Variants in RIC3 observed in about 807,000 individuals in gnomAD.
RIC3 encodes the protein RIC3 acetylcholine receptor chaperone.
In RIC3, 28 loss-of-function variants were observed where a neutral mutation model predicts 27.3. That is an observed-to-expected ratio of 1.02 (90% CI 0.76 to 1.41). The LOEUF (loss-of-function observed/expected upper bound fraction) is 1.41. RIC3 is among the 40% of genes most tolerant of loss of function. RIC3 has a pLI of 0.00. For missense variants in RIC3, 501 were observed against 444.7 expected (o/e 1.13, Z -1.14); for synonymous variants, 184 against 160.4 (o/e 1.15, Z -1.11).
chr11:8,132,303 A>G (rs1237542487), intron 4 of RIC3, among the ~76,000 whole-genome samples: 2 of 152,110 alleles, frequency 1.3e-5, no homozygotes, highest in Non-Finnish European at 2.9e-5. Context: ...ATAATCTTCT[A>G]GCATGTAGTC....
chr11:8,145,107 C>A (rs1290160135), intron 1 of RIC3, among the ~76,000 whole-genome samples: 3 of 144,432 alleles, frequency 2.1e-5, no homozygotes, highest in Non-Finnish European at 4.5e-5. Flanking sequence ...GTGCAGCGCA[C>A]CAGCATGGCA....
intron 5 of RIC3, among the ~76,000 whole-genome samples, chr11:8,116,496 G>A (rs1420138493): frequency 1.3e-5 from 2 of 152,184 alleles, no homozygotes; most frequent in African/African-American, 2.4e-5. Context: ...TATGTAATGG[G>A]AGAAAATATT....
intron 2 of RIC3, 192 bp downstream of exon 2, chr11:8,139,775 T>G: frequency 1.7e-6 from 1 of 580,276 alleles, no homozygotes; most frequent in East Asian, 2.9e-5. Flanking sequence ...CACTTAAACA[T>G]TGAGTAAACA....
At chr11:8,124,083 G>T (rs1378984879) in intron 5 of RIC3, among the ~76,000 whole-genome samples, 1 of 147,974 alleles carries the variant, frequency 6.8e-6, no homozygotes, top group Non-Finnish European at 1.5e-5. Flanking sequence ...AAGAAAGAAA[G>T]AAAGAAAAAG....
At position 8,140,073 on chromosome 11, in the gene RIC3, G is replaced by A. The variant is rs745590199; in HGVS notation, c.245C>T (p.Ser82Leu). The change falls in exon 2 of 6, where the codon TCA (serine) becomes TTA (leucine). Residue 82 changes from serine to leucine, a missense_variant. Ser to Leu is a moderately radical substitution (Grantham distance 145, BLOSUM62 -2). Transcript: ENST00000309737. ...LAEAFAKAKG[S>L]GGGAGGGGSG... ...ACCTCCTCCTCCAGCACCTCCACCT[G>A]ATCCTTTGGCCTTTGCAAATGCCTC... 23 of 1,613,890 alleles carry A rather than the reference G, an allele frequency of 1.4e-5. No homozygotes were observed. The Admixed American group carries it at 3.7e-4, about 26-fold the overall frequency.
At chr11:8,146,677 C>T (rs1358499568) in intron 1 of RIC3, among the ~76,000 whole-genome samples, 2 of 142,992 alleles carry the variant, frequency 1.4e-5, no homozygotes, top group Admixed American at 7.0e-5. Flanking sequence ...CATGAGACTT[C>T]AATCAAATAC....
At chr11:8,093,297 G>A in the RIC3 span, among the ~76,000 whole-genome samples, 1 of 152,164 alleles carries the variant, frequency 6.6e-6, no homozygotes. Flanking sequence ...CCTGTGGCAA[G>A]AGGGAGTGCA....
the RIC3 span, among the ~76,000 whole-genome samples, chr11:8,099,059 A>T: frequency 6.6e-6 from 1 of 151,960 alleles, no homozygotes; most frequent in East Asian, 1.9e-4. Flanking sequence ...CTGACTTCAG[A>T]GCTCACACCA....
At chr11:8,148,371 T>C (rs1949923111) in intron 1 of RIC3, among the ~76,000 whole-genome samples, 1 of 152,178 alleles carries the variant, frequency 6.6e-6, no homozygotes, top group Non-Finnish European at 1.5e-5. Context: ...CTTTGGCTAT[T>C]ATGCACCTTC....
intron 4 of RIC3, among the ~76,000 whole-genome samples, chr11:8,129,783 C>T (rs1418351914): frequency 6.6e-6 from 1 of 152,168 alleles, no homozygotes; most frequent in Admixed American, 6.5e-5. Flanking sequence ...TCTGATATGC[C>T]TCAAAGATTT....
intron 5 of RIC3, among the ~76,000 whole-genome samples, chr11:8,117,311 T>G (rs866917162): frequency 2.0e-5 from 3 of 152,210 alleles, no homozygotes; most frequent in Admixed American, 6.5e-5. Flanking sequence ...GCAATCCACC[T>G]GCCTCGGCCT....
In RIC3 at chr11:8,110,874, C is replaced by T. The variant is rs116932252; in HGVS notation, c.934G>A (p.Asp312Asn). 6.2e-3 allele frequency: 10,004 copies of T among 1,614,204 alleles called. 58 individuals carry two copies. The highest frequency in any genetic ancestry group is 8.0e-3 in the Non-Finnish European group (9,441 of 1,180,038). ...TCSCCFHEDE[D>N]PAVLAENAGF... ...GCATTCTCTGCCAAGACAGCAGGAT[C>T]CTCGTCTTCATGAAAACAGCAGGAA... Residue 312 changes from aspartate (D) to asparagine (N), a missense_variant, in exon 6 of 6, where the codon GAT becomes AAT. By Grantham distance (23) the Asp-to-Asn change is conservative. Transcript: ENST00000309737.
chr11:8,118,199 G>C (rs1455217369), intron 5 of RIC3, among the ~76,000 whole-genome samples: 1 of 148,282 alleles, frequency 6.7e-6, no homozygotes, highest in South Asian at 2.2e-4. Flanking sequence ...CTCAAGCCTG[G>C]GCATGACAGA....
At chr11:8,137,595 C>T (rs1948575393) in intron 3 of RIC3, 124 bp from the exon 4 acceptor site, 1 of 580,864 alleles carries the variant, frequency 1.7e-6, no homozygotes, top group Admixed American at 3.2e-5. Context: ...TTGAAGAACA[C>T]CGCAGTTTTA....
chr11:8,148,339 T>C (rs535573530), intron 1 of RIC3, among the ~76,000 whole-genome samples: 7 of 152,328 alleles, frequency 4.6e-5, no homozygotes, highest in African/African-American at 7.2e-5. Flanking sequence ...AGGATCTTAG[T>C]AAATTAAATG....
intron 1 of RIC3, among the ~76,000 whole-genome samples, chr11:8,142,088 T>C (rs1361752499): frequency 6.8e-6 from 1 of 147,826 alleles, no homozygotes; most frequent in Non-Finnish European, 1.5e-5. Context: ...AGATCCAAAA[T>C]TGACACCCTA....
the RIC3 span, chr11:8,097,669 G>C: frequency 6.5e-7 from 1 of 1,544,066 alleles, no homozygotes; most frequent in Non-Finnish European, 8.9e-7. Flanking sequence ...ACTGTGTGCA[G>C]ACCAGAGGCT....
At chr11:8,094,217 C>T in the RIC3 span, 2 of 1,584,236 alleles carry the variant, frequency 1.3e-6, no homozygotes, top group South Asian at 2.3e-5. Context: ...ACAGCCCTCC[C>T]CAGCAGGCCT....
chr11:8,141,182 T>A (rs1244776911), intron 1 of RIC3, among the ~76,000 whole-genome samples: 1 of 150,324 alleles, frequency 6.7e-6, no homozygotes, highest in South Asian at 2.1e-4. Flanking sequence ...CACATAACAA[T>A]ACTAACTTTA....
Sources: gnomAD v4.1 joint callset for allele counts (sites outside exome capture counted in the v4.1 genomes callset) on GRCh38, gnomAD v4.1.1 for gene constraint, MANE v1.5 for transcripts, NCBI Gene and HGNC (gene_info 2026-07-23, HGNC 2026-07-21) for gene names.